CNNM2: variants seen among roughly 807,000 people sequenced by gnomAD.
The protein encoded by CNNM2 is metal transporter CNNM2.
A neutral mutation model predicts 66.9 loss-of-function variants in CNNM2; 12 were observed. That is an observed-to-expected ratio of 0.18 (90% CI 0.11 to 0.29). The LOEUF (loss-of-function observed/expected upper bound fraction) is 0.29. Among genes scored for constraint, CNNM2 ranks in the 10% least tolerant of loss-of-function variants. The pLI is 1.00. For missense variants in CNNM2, 705 were observed against 1,167.7 expected, an observed-to-expected ratio of 0.60 and a Z score of 5.77; for synonymous variants, 557 against 501.8, an observed-to-expected ratio of 1.11 and a Z score of -1.47.
intron 1 of CNNM2, among the ~76,000 whole-genome samples, chr10:102,984,738 C>A (rs574701019): frequency 6.6e-6 from 1 of 152,168 alleles, no homozygotes; most frequent in African/African-American, 2.4e-5. Context: ...CGGCTCACTG[C>A]AACCTCTGCC....
chr10:103,058,337 G>A (rs1341340128), intron 4 of CNNM2, among the ~76,000 whole-genome samples: 1 of 152,158 alleles, frequency 6.6e-6, no homozygotes, highest in Admixed American at 6.5e-5. Flanking sequence ...TCTCATAAGA[G>A]TGAGATGCGA....
chr10:102,927,718 T>G (rs976507287), intron 1 of CNNM2: 7 of 294,290 alleles, frequency 2.4e-5, no homozygotes, highest in Admixed American at 1.9e-4. Flanking sequence ...TGAGCTGAGA[T>G]CACGTCACTG....
rs7093461 is a variant in CNNM2, at chr10:102,933,722, G to C, written c.1621+13621G>C. ...TAGGAAAGACTAAATTTTTTTTTAA[G>C]ACAGGGTCTCATTAGCACATAAATA... On this transcript the variant is annotated intron_variant, in intron 1 of 7. Transcript: ENST00000369878. Among the ~76,000 whole-genome samples, 28,587 of 151,992 alleles carry C rather than the reference G, an allele frequency of 0.19. 2,872 individuals are homozygous for C. Among genetic ancestry groups the C allele is most frequent in the Non-Finnish European group, 0.22 (15,038 of 67,926 alleles).
At chr10:103,012,906 C>G (rs1252312093) in intron 1 of CNNM2, among the ~76,000 whole-genome samples, 4 of 152,276 alleles carry the variant, frequency 2.6e-5, no homozygotes, top group Admixed American at 2.0e-4. Flanking sequence ...CCTTTCCTTC[C>G]TTCTCTTTCC....
chr10:102,996,147 T>G (rs2063998170), intron 1 of CNNM2, among the ~76,000 whole-genome samples: 1 of 152,200 alleles, frequency 6.6e-6, no homozygotes, highest in South Asian at 2.1e-4. Flanking sequence ...GATGTTGTAA[T>G]TTATATTATG....
rs139022365 is a variant in CNNM2, at chr10:102,998,093, C to G, written c.1622-51614C>G. Among the ~76,000 whole-genome samples the G allele has an allele frequency of 4.6e-3, 698 of 152,184 alleles. 2 individuals are homozygous for G. Among genetic ancestry groups the G allele is most frequent in the Non-Finnish European group, 6.8e-3 (462 of 68,000 alleles). ...GAGTTAACAAACTCTCTTCTGATGC[C>G]ACATTAGTGGGCATTTATTTTCTGG... is the stretch of plus-strand genomic sequence containing the variant. On this transcript the variant is annotated intron_variant, in intron 1 of 7. Transcript: ENST00000369878.
intron 1 of CNNM2, among the ~76,000 whole-genome samples, chr10:103,002,589 C>T (rs2064142754): frequency 6.6e-6 from 1 of 151,006 alleles, no homozygotes; most frequent in Non-Finnish European, 1.5e-5. Context: ...GAGTGATTCT[C>T]CTGCCTCAGT....
intron 5 of CNNM2, 76 bp downstream of exon 5, chr10:103,068,798 C>G: frequency 8.6e-7 from 1 of 1,160,270 alleles, no homozygotes; most frequent in Non-Finnish European, 1.2e-6. Context: ...ATCTTGCTTT[C>G]TGTATCTGCC....
At chr10:103,062,155 A>G (rs1358880470) in intron 4 of CNNM2, among the ~76,000 whole-genome samples, 3 of 152,192 alleles carry the variant, frequency 2.0e-5, no homozygotes, top group Non-Finnish European at 4.4e-5. Context: ...AGGGATCACT[A>G]TGTAGTAATG....
At chr10:103,045,314 A>G (rs1408888341) in intron 1 of CNNM2, among the ~76,000 whole-genome samples, 1 of 152,186 alleles carries the variant, frequency 6.6e-6, no homozygotes, top group African/African-American at 2.4e-5. Context: ...GCTAGGGATG[A>G]AGATTGTAGG....
chr10:103,033,544 A>G (rs909493498), intron 1 of CNNM2, among the ~76,000 whole-genome samples: 2 of 151,902 alleles, frequency 1.3e-5, no homozygotes, highest in Non-Finnish European at 2.9e-5. Flanking sequence ...ACATGTACAA[A>G]CAATTGTGAA....
rs1322556446 is a variant in CNNM2, at chr10:103,084,844, G to A, written c.*7664G>A. ...TTAAAAACTGACCTTTTTATAGCCT[G>A]GAGTTGATTTCTGGAAACTTATTTT... is the stretch of plus-strand genomic sequence containing the variant. On this transcript the variant is annotated 3_prime_UTR_variant, in exon 8 of 8. Transcript: ENST00000369878. 1 of 152,148 alleles carries A rather than the reference G, an allele frequency of 6.6e-6. No individual in the cohort carries two copies. The highest frequency in any genetic ancestry group is 1.9e-4 in the East Asian group (1 of 5,192). 9.4% of individuals were successfully genotyped at this position (152,148 alleles called of 1,614,324 possible). A position where few individuals can be genotyped will look rare whatever the true frequency, so the allele number is the denominator to read the frequency against.
At chr10:103,069,590 T>C (rs1244983745) in intron 5 of CNNM2, among the ~76,000 whole-genome samples, 1 of 152,048 alleles carries the variant, frequency 6.6e-6, no homozygotes, top group African/African-American at 2.4e-5. Context: ...CAGTTAAGGG[T>C]GGGTGGCCAT....
chr10:103,004,191 TG>T (rs911394843), intron 1 of CNNM2, among the ~76,000 whole-genome samples: 7 of 148,646 alleles, frequency 4.7e-5, no homozygotes, highest in African/African-American at 1.7e-4. Context: ...TTAGTAGCAA[TG>T]GGGTTTCACC....
At chr10:103,001,950 C>A (rs1199098265) in intron 1 of CNNM2, among the ~76,000 whole-genome samples, 1 of 152,104 alleles carries the variant, frequency 6.6e-6, no homozygotes, top group East Asian at 1.9e-4. Context: ...GAGCCGAGGT[C>A]CTGCCACTGC....
chr10:102,990,556 A>G (rs1249444629), intron 1 of CNNM2, among the ~76,000 whole-genome samples: 1 of 152,142 alleles, frequency 6.6e-6, no homozygotes, highest in Non-Finnish European at 1.5e-5. Flanking sequence ...ATTAAGTAGG[A>G]GAATTCTAAC....
At chr10:103,023,864 G>A (rs577574867) in intron 1 of CNNM2, among the ~76,000 whole-genome samples, 1 of 152,260 alleles carries the variant, frequency 6.6e-6, no homozygotes, top group Admixed American at 6.5e-5. Context: ...TGTAAAAATT[G>A]AGACTAGTAT....
chr10:102,921,250 T>C (rs917823296), intron 1 of CNNM2: 2 of 163,280 alleles, frequency 1.2e-5, no homozygotes, highest in African/African-American at 4.8e-5. Flanking sequence ...AATGTGTATG[T>C]AACCTTTCGT....
intron 1 of CNNM2, among the ~76,000 whole-genome samples, chr10:103,023,230 C>T (rs2064625874): frequency 6.6e-6 from 1 of 152,160 alleles, no homozygotes; most frequent in African/African-American, 2.4e-5. Context: ...TTTAAATGAT[C>T]AGATCTTGGG....
Sources: allele counts gnomAD v4.1 joint callset (sites outside exome capture counted in the v4.1 genomes callset), GRCh38; gene constraint gnomAD v4.1.1; transcripts MANE v1.5; gene names NCBI Gene and HGNC (gene_info 2026-07-23, HGNC 2026-07-21).